WWP1: variants seen among roughly 807,000 people sequenced by gnomAD.
The protein encoded by WWP1 is NEDD4-like E3 ubiquitin-protein ligase WWP1.
WWP1 carries 49 observed loss-of-function variants against 130.6 expected under a neutral mutation model. The observed-to-expected ratio is 0.38, with a 90% confidence interval of 0.30 to 0.48. The LOEUF (loss-of-function observed/expected upper bound fraction) is 0.48, where lower values mean the gene tolerates loss of function less well. Ranked by LOEUF, WWP1 falls within the 20% of genes least tolerant of loss-of-function variation. The probability of loss-of-function intolerance (pLI) is 0.99; values close to 1 mark genes in which losing one functional copy is unlikely to be tolerated. For synonymous variants in WWP1, 332 were observed against 367.8 expected, an observed-to-expected ratio of 0.90 and a Z score of 1.11; for missense variants, 809 against 1,100.6, an observed-to-expected ratio of 0.74 and a Z score of 3.75.
intron 9 of WWP1, among the ~76,000 whole-genome samples, chr8:86,422,881 A>G (rs1490747538): frequency 6.6e-6 from 1 of 152,180 alleles, no homozygotes; most frequent in Non-Finnish European, 1.5e-5. Context: ...GATATGCACA[A>G]TGAAAAGATA....
chr8:86,356,686 TTGC>T (rs1324103931), intron 1 of WWP1, among the ~76,000 whole-genome samples: 3 of 152,162 alleles, frequency 2.0e-5, no homozygotes, highest in African/African-American at 7.2e-5. Context: ...ATTGGAATAG[TTGC>T]TGCTAAGTTT....
intron 21 of WWP1, among the ~76,000 whole-genome samples, chr8:86,454,446 T>C (rs546319428): frequency 6.6e-6 from 1 of 152,238 alleles, no homozygotes; most frequent in South Asian, 2.1e-4. Context: ...TCACTAATCC[T>C]GGTTACCATC....
intron 9 of WWP1, among the ~76,000 whole-genome samples, chr8:86,422,317 T>TTGTCTGTA (rs1809269761): frequency 1.0e-5 from 1 of 95,848 alleles, no homozygotes; most frequent in Non-Finnish European, 1.9e-5. Context: ...AAGTACCAGT[T>TTGTCTGTA]TGTATTTATT....
intron 2 of WWP1, among the ~76,000 whole-genome samples, chr8:86,369,949 A>G (rs921346744): frequency 2.0e-5 from 3 of 152,162 alleles, no homozygotes; most frequent in African/African-American, 2.4e-5. Flanking sequence ...GATAATATGT[A>G]ACATATGCAA....
At chr8:86,402,760 C>G (rs1394914684) in intron 8 of WWP1, among the ~76,000 whole-genome samples, 1 of 152,150 alleles carries the variant, frequency 6.6e-6, no homozygotes, top group Non-Finnish European at 1.5e-5. Context: ...GAGCTAGATT[C>G]TTAAGCTTTG....
rs1335471613 is a variant in WWP1 at position 86,401,582 on chromosome 8, A to G, written c.540-437A>G. On this transcript the variant is annotated intron_variant, in intron 7 of 24. Coordinates refer to ENST00000517970, the MANE Select transcript of WWP1 (RefSeq NM_007013.4). The stretch of plus-strand genomic sequence containing the variant: ...AAAAAAAAAGTTTACAGTAGTTTAT[A>G]CTTGATTTTTATTTTTATGATTCAT... Among the ~76,000 whole-genome samples the G allele has an allele frequency of 3.9e-5, 6 of 151,916 alleles. No individual in the cohort carries two copies. In the East Asian group the frequency reaches 9.7e-4, roughly 25 times the overall value.
intron 7 of WWP1, among the ~76,000 whole-genome samples, chr8:86,398,928 T>G (rs958651683): frequency 6.6e-6 from 1 of 152,236 alleles, no homozygotes; most frequent in Non-Finnish European, 1.5e-5. Context: ...CAGAATATTC[T>G]ACCTTGAAGA....
chr8:86,458,641 T>C (rs1481268833), intron 22 of WWP1, among the ~76,000 whole-genome samples: 2 of 152,182 alleles, frequency 1.3e-5, no homozygotes, highest in Non-Finnish European at 2.9e-5. Context: ...ACTCTACTAA[T>C]TGGGACTCTT....
intron 1 of WWP1, among the ~76,000 whole-genome samples, chr8:86,344,999 G>A (rs566947022): frequency 6.6e-6 from 1 of 152,182 alleles, no homozygotes; most frequent in African/African-American, 2.4e-5. Context: ...AGAAGGATTA[G>A]TGGGATAGAG....
intron 21 of WWP1, among the ~76,000 whole-genome samples, chr8:86,457,330 A>G (rs1372061477): frequency 6.6e-6 from 1 of 151,914 alleles, no homozygotes; most frequent in African/African-American, 2.4e-5. Context: ...AATATATAAG[A>G]TAGCATAGAT....
chr8:86,448,307 G>A (rs746966342), intron 19 of WWP1, 26 bp downstream of exon 19: 2 of 1,586,196 alleles, frequency 1.3e-6, no homozygotes, highest in East Asian at 4.5e-5. Context: ...TTTGCAATAA[G>A]TCATTTTTTT....
At chr8:86,385,412 C>T (rs1476478400) in intron 5 of WWP1, among the ~76,000 whole-genome samples, 2 of 151,106 alleles carry the variant, frequency 1.3e-5, no homozygotes, top group African/African-American at 4.9e-5. Flanking sequence ...AAGAGAACAG[C>T]GAAAGACAAT....
intron 1 of WWP1, among the ~76,000 whole-genome samples, chr8:86,346,224 AT>A (rs1327800473): frequency 6.6e-6 from 1 of 152,088 alleles, no homozygotes; most frequent in Non-Finnish European, 1.5e-5. Context: ...ATTCATTTGG[AT>A]TGTTACTTTC....
chr8:86,370,375 T>A (rs1226234057), intron 2 of WWP1, among the ~76,000 whole-genome samples: 1 of 152,236 alleles, frequency 6.6e-6, no homozygotes, highest in Non-Finnish European at 1.5e-5. Context: ...TCTGTAGTTA[T>A]TGCTGTATCA....
rs151036924 is a variant in WWP1, at chr8:86,387,738, G to T, written c.334+6109G>T. Among the ~76,000 whole-genome samples, 241 of 152,160 alleles carry T rather than the reference G, an allele frequency of 1.6e-3. 1 individual carries two copies. The highest frequency in any genetic ancestry group is 0.01 in the East Asian group (54 of 5,174). On this transcript the variant is annotated intron_variant, in intron 5 of 24. Transcript: ENST00000517970. ...GGGGTTTCACCATGTTAGCCAGACT[G>T]GTCTCGAACTCCTGACCTCAAGTGA...
At chr8:86,350,144 A>T (rs1236870552) in intron 1 of WWP1, among the ~76,000 whole-genome samples, 1 of 152,148 alleles carries the variant, frequency 6.6e-6, no homozygotes, top group Non-Finnish European at 1.5e-5. Flanking sequence ...TGGAAATACA[A>T]TGAATAAGGT....
intron 5 of WWP1, among the ~76,000 whole-genome samples, chr8:86,391,548 G>A (rs1563490633): frequency 6.6e-6 from 1 of 151,968 alleles, no homozygotes; most frequent in Non-Finnish European, 1.5e-5. Context: ...GATAAACAAA[G>A]CTGGACACTG....
intron 1 of WWP1, among the ~76,000 whole-genome samples, chr8:86,343,492 G>T (rs1822362459): frequency 7.3e-6 from 1 of 136,814 alleles, no homozygotes; most frequent in African/African-American, 2.8e-5. Flanking sequence ...TGACCTTGCA[G>T]ATTTTACCAG....
chr8:86,380,345 G>C (rs1041973746), intron 3 of WWP1, among the ~76,000 whole-genome samples: 4 of 148,682 alleles, frequency 2.7e-5, no homozygotes, highest in African/African-American at 1.0e-4. Context: ...GCCTAGGGAT[G>C]GGGGTGGGGA....
Sources: allele counts gnomAD v4.1 joint callset (sites outside exome capture counted in the v4.1 genomes callset), GRCh38; gene constraint gnomAD v4.1.1; transcripts MANE v1.5; gene names NCBI Gene and HGNC (gene_info 2026-07-23, HGNC 2026-07-21).